Variants in PEAK1 observed in about 807,000 individuals in gnomAD.
PEAK1 encodes the protein inactive tyrosine-protein kinase PEAK1.
Under a neutral mutation model 124.7 loss-of-function variants are expected in PEAK1, and 54 were observed. That is an observed-to-expected ratio of 0.43 (90% CI 0.35 to 0.54). The LOEUF (loss-of-function observed/expected upper bound fraction) is 0.54, where lower values mean the gene tolerates loss of function less well. Ranked by LOEUF, PEAK1 falls within the 20% of genes least tolerant of loss-of-function variation. The pLI, the probability that PEAK1 is intolerant of heterozygous loss-of-function variation, is 0.01. For missense variants in PEAK1, 2,046 were observed against 2,134.5 expected (o/e 0.96, Z 0.82); for synonymous variants, 719 against 760.0 (o/e 0.95, Z 0.89).
At chr15:77,193,803 TAACTA>T (rs56866442) in intron 6 of PEAK1, among the ~76,000 whole-genome samples, 38,114 of 145,922 alleles carry the variant, frequency 0.26, 5,517 homozygotes, top group African/African-American at 0.41. Flanking sequence ...GACTCTATCT[TAACTA>T]AACTAAACTA....
At chr15:77,213,627 TGC>T (rs2059007596) in intron 6 of PEAK1, among the ~76,000 whole-genome samples, 1 of 151,844 alleles carries the variant, frequency 6.6e-6, no homozygotes. Flanking sequence ...TGGCAGAGGG[TGC>T]AGTGAGCCGA....
intron 5 of PEAK1, among the ~76,000 whole-genome samples, chr15:77,281,166 C>A (rs2062652740): frequency 6.7e-6 from 1 of 150,346 alleles, no homozygotes; most frequent in African/African-American, 2.4e-5. Context: ...GACTCTATCT[C>A]AAAAAAAAAG....
At chr15:77,301,758 T>C (rs2063798774) in intron 2 of PEAK1, among the ~76,000 whole-genome samples, 1 of 152,338 alleles carries the variant, frequency 6.6e-6, no homozygotes, top group East Asian at 1.9e-4. Flanking sequence ...AAAGTCACTA[T>C]GAACAGCCTA....
chr15:77,206,474 C>T lies in PEAK1; in HGVS notation c.-114-24434G>A, dbSNP rs1360538204. On this transcript the variant is annotated intron_variant, in intron 6 of 9. Transcript: ENST00000682557. ...TAAAAGTGTTCCTATTTCTCCACAT[C>T]CTCTCCAGCACCTGTTGTTTCCTGA... 3.4e-5 allele frequency among the ~76,000 whole-genome samples: 5 copies of T among 147,932 alleles called. No homozygotes were observed. The East Asian group carries it at 1.0e-3, about 30-fold the overall frequency.
Position 77,114,165 on chromosome 15 carries a change from C to T in PEAK1, c.5232G>A (p.Gln1744=), listed in dbSNP as rs61732437. The T allele has an allele frequency of 1.0e-3, 1,675 of 1,613,704 alleles. 10 individuals are homozygous for T. In the African/African-American group the frequency reaches 0.018, roughly 17 times the overall value. ...DSLSCIVKIL[Q]HR The stretch of plus-strand genomic sequence containing the variant: ...ATCATCCAGGTACACATTAACGGTG[C>T]TGCAGAATTTTCACAATACAACTGA... The change falls in exon 10 of 10, where the codon CAG becomes CAA. Residue 1744 remains glutamine, a synonymous_variant. Coordinates refer to ENST00000682557, the MANE Select transcript of PEAK1 (RefSeq NM_001385026.1).
At chr15:77,381,117 C>T (rs7166927) in intron 1 of PEAK1, 512,983 of 705,666 alleles carry the variant, frequency 0.73, 189,182 homozygotes, top group Non-Finnish European at 0.76. Flanking sequence ...CAAAATGCTA[C>T]TATGGAGTTT....
chr15:77,318,499 G>C (rs1020185476), intron 2 of PEAK1, among the ~76,000 whole-genome samples: 2 of 152,086 alleles, frequency 1.3e-5, no homozygotes, highest in African/African-American at 2.4e-5. Context: ...ATACCACAGA[G>C]GAGAATTTCT....
chr15:77,299,649 G>A (rs918629904), intron 2 of PEAK1, among the ~76,000 whole-genome samples: 9 of 152,136 alleles, frequency 5.9e-5, no homozygotes, highest in Admixed American at 3.9e-4. Context: ...ATTACACACT[G>A]GGTATGTTGT....
intron 6 of PEAK1, among the ~76,000 whole-genome samples, chr15:77,250,792 C>G (rs1426289539): frequency 6.6e-6 from 1 of 151,832 alleles, no homozygotes; most frequent in African/African-American, 2.4e-5. Flanking sequence ...TGGTCTTGAA[C>G]TCCTGACCTC....
intron 6 of PEAK1, among the ~76,000 whole-genome samples, chr15:77,191,074 T>A (rs947766676): frequency 1.1e-4 from 16 of 152,186 alleles, no homozygotes; most frequent in Non-Finnish European, 1.9e-4. Flanking sequence ...AGAGCACAGT[T>A]ATTTTTTTCA....
At chr15:77,275,641 G>A (rs574362684) in intron 5 of PEAK1, among the ~76,000 whole-genome samples, 14 of 151,866 alleles carry the variant, frequency 9.2e-5, no homozygotes, top group Non-Finnish European at 1.6e-4. Flanking sequence ...GCTTGAACCC[G>A]GGAGACGGAG....
intron 6 of PEAK1, among the ~76,000 whole-genome samples, chr15:77,243,026 AAT>A (rs1419499750): frequency 2.6e-5 from 4 of 152,212 alleles, no homozygotes; most frequent in African/African-American, 7.2e-5. Flanking sequence ...CAACATTGTG[AAT>A]ATGTTTCAAT....
rs1462211130 is a variant in PEAK1, at chr15:77,313,726, G to GTGTGTGTA, written c.-602-27223_-602-27222insTACACACA. On this transcript the variant is annotated intron_variant, in intron 2 of 9. Coordinates refer to ENST00000682557, the MANE Select transcript of PEAK1 (RefSeq NM_001385026.1). ...TATATGTATGTGTGTGTGTGTGTGT[G>GTGTGTGTA]TATATATATATATATTTATTTATTT... Among the ~76,000 whole-genome samples, 94 of 108,596 alleles carry GTGTGTGTA rather than the reference G, an allele frequency of 8.7e-4. 2 individuals are homozygous for GTGTGTGTA. The highest frequency in any genetic ancestry group is 3.1e-3 in the African/African-American group (92 of 29,288). 71.2% of individuals were successfully genotyped at this position (108,596 alleles called of 152,430 possible). A position where few individuals can be genotyped will look rare whatever the true frequency, so the allele number is the denominator to read the frequency against.
At chr15:77,361,263 T>G (rs1018514305) in intron 2 of PEAK1, among the ~76,000 whole-genome samples, 1 of 152,080 alleles carries the variant, frequency 6.6e-6, no homozygotes, top group East Asian at 1.9e-4. Flanking sequence ...GCAACATAAC[T>G]AGACTCCATC....
chr15:77,120,776 T>G (rs949165275), intron 9 of PEAK1, among the ~76,000 whole-genome samples: 2 of 152,238 alleles, frequency 1.3e-5, no homozygotes, highest in African/African-American at 4.8e-5. Flanking sequence ...AGTCCTGGCC[T>G]TGCCTCCCTT....
intron 8 of PEAK1, among the ~76,000 whole-genome samples, chr15:77,139,800 C>G: frequency 6.6e-6 from 1 of 151,732 alleles, no homozygotes; most frequent in South Asian, 2.1e-4. Context: ...CAACAACACA[C>G]ATATATATAC....
intron 6 of PEAK1, among the ~76,000 whole-genome samples, chr15:77,219,150 T>C (rs2059275297): frequency 6.6e-6 from 1 of 152,096 alleles, no homozygotes; most frequent in Non-Finnish European, 1.5e-5. Context: ...TGAATTGCAA[T>C]ACAGACAATG....
chr15:77,267,822 A>G (rs946360614), intron 5 of PEAK1, among the ~76,000 whole-genome samples: 1 of 152,108 alleles, frequency 6.6e-6, no homozygotes, highest in Non-Finnish European at 1.5e-5. Flanking sequence ...ACCCCCAAAA[A>G]ATCACACTAA....
intron 2 of PEAK1, among the ~76,000 whole-genome samples, chr15:77,290,937 G>A (rs967514310): frequency 3.9e-5 from 6 of 152,100 alleles, no homozygotes; most frequent in African/African-American, 1.4e-4. Context: ...TCTAAATGTA[G>A]GTCTGTATCA....
Sources: gnomAD v4.1 joint callset for allele counts (sites outside exome capture counted in the v4.1 genomes callset) on GRCh38, gnomAD v4.1.1 for gene constraint, MANE v1.5 for transcripts, NCBI Gene and HGNC (gene_info 2026-07-23, HGNC 2026-07-21) for gene names.